POTEI: variants seen among roughly 807,000 people sequenced by gnomAD.
POTEI encodes the protein POTE ankyrin domain family, member I.
In POTEI, 14 loss-of-function variants were observed where a neutral mutation model predicts 43.4. That is an observed-to-expected ratio of 0.32 (90% CI 0.21 to 0.50). The LOEUF (loss-of-function observed/expected upper bound fraction) is 0.50. Among genes scored for constraint, POTEI ranks in the 20% least tolerant of loss-of-function variants. The pLI, the probability that POTEI is intolerant of heterozygous loss-of-function variation, is 0.98. For synonymous variants in POTEI, 95 were observed against 297.9 expected, an observed-to-expected ratio of 0.32 and a Z score of 7.01; for missense variants, 235 against 795.4, an observed-to-expected ratio of 0.30 and a Z score of 8.47.
chr2:130,486,925 C>T (rs1683593425), intron 9 of POTEI, among the ~76,000 whole-genome samples: 1 of 118,210 alleles, frequency 8.5e-6, no homozygotes, highest in Non-Finnish European at 1.8e-5. Flanking sequence ...AAATACAGAT[C>T]CCCATGTACA....
At position 130,479,160 on chromosome 2, in the gene POTEI, T is replaced by C. The variant is rs999893916; in HGVS notation, c.1481-2459A>G. 6.3e-4 allele frequency among the ~76,000 whole-genome samples: 90 copies of C among 142,716 alleles called. 1 individual carries two copies. The South Asian group carries it at 0.017, about 27-fold the overall frequency. The allele number at this position is 142,716 out of a possible 152,430, so 93.6% of individuals were successfully genotyped here. On this transcript the variant is annotated intron_variant, in intron 10 of 14. Coordinates refer to ENST00000451531, the MANE Select transcript of POTEI (RefSeq NM_001277406.2). ...AATTATCACTAAATCATATTGACTA[T>C]ACCTCTCTTCTGCCTCTGTTTTATA...
rs1204814405 is a variant in POTEI, at chr2:130,495,441, T to A, written c.1126+1111A>T. Among the ~76,000 whole-genome samples, 82 of 44,132 alleles carry A rather than the reference T, an allele frequency of 1.9e-3. 12 individuals are homozygous for A. The highest frequency in any genetic ancestry group is 4.4e-3 in the African/African-American group (82 of 18,798). The allele number at this position is 44,132 out of a possible 152,430, so 29.0% of individuals were successfully genotyped here. A position where few individuals can be genotyped will look rare whatever the true frequency, so the allele number is the denominator to read the frequency against. The stretch of plus-strand genomic sequence containing the variant: ...AAATAGCAATGTTTTCTTTGTAAAT[T>A]CTGTTGAAAAAGCACAGAAATGAAA... On this transcript the variant is annotated intron_variant, in intron 6 of 14. Coordinates refer to ENST00000451531, the MANE Select transcript of POTEI (RefSeq NM_001277406.2).
chr2:130,495,386 G>T lies in POTEI; in HGVS notation c.1126+1166C>A, dbSNP rs529708033. Among the ~76,000 whole-genome samples the T allele has an allele frequency of 4.0e-3, 183 of 46,140 alleles. 73 individuals carry two copies. Among genetic ancestry groups the T allele is most frequent in the African/African-American group, 8.0e-3 (165 of 20,498 alleles). 30.3% of individuals were successfully genotyped at this position (46,140 alleles called of 152,430 possible). A position where few individuals can be genotyped will look rare whatever the true frequency, so the allele number is the denominator to read the frequency against. On this transcript the variant is annotated intron_variant, in intron 6 of 14. Coordinates refer to ENST00000451531, the MANE Select transcript of POTEI (RefSeq NM_001277406.2). The stretch of plus-strand genomic sequence containing the variant: ...GTTACCATCTAAAAGACATTTGATA[G>T]TTATATGTTAAGTGGACAAGTGAAA...
intron 11 of POTEI, among the ~76,000 whole-genome samples, chr2:130,475,154 C>T (rs1683151156): frequency 8.3e-6 from 1 of 120,916 alleles, no homozygotes; most frequent in African/African-American, 3.5e-5. Context: ...TTAGCTACTG[C>T]CACATCACTG....
chr2:130,496,801 C>A lies in POTEI; in HGVS notation c.1056-179G>T, dbSNP rs2918634. Among the ~76,000 whole-genome samples, 22 of 130,796 alleles carry A rather than the reference C, an allele frequency of 1.7e-4. 1 individual carries two copies. The highest frequency in any genetic ancestry group is 7.5e-4 in the East Asian group (3 of 3,984). The allele number at this position is 130,796 out of a possible 152,430, so 85.8% of individuals were successfully genotyped here. On this transcript the variant is annotated intron_variant, in intron 5 of 14. Transcript: ENST00000451531. The stretch of plus-strand genomic sequence containing the variant: ...TTCTCTTTAAGCTTCTAATTAAAGA[C>A]GAAAAAAATGTAAGGTGAAATACTC...
intron 6 of POTEI, among the ~76,000 whole-genome samples, chr2:130,492,872 G>C (rs1426888638): frequency 1.3e-5 from 2 of 150,936 alleles, no homozygotes; most frequent in African/African-American, 4.9e-5. Context: ...ACCACATTGC[G>C]TTTGAGTCAG....
At chr2:130,480,360 C>T (rs1260339414) in intron 10 of POTEI, among the ~76,000 whole-genome samples, 5 of 146,118 alleles carry the variant, frequency 3.4e-5, no homozygotes, top group African/African-American at 1.0e-4. Flanking sequence ...AAGTATTCAC[C>T]TCACTCCCAA....
At chr2:130,477,751 G>A (rs1007648886) in intron 10 of POTEI, among the ~76,000 whole-genome samples, 1 of 140,836 alleles carries the variant, frequency 7.1e-6, no homozygotes, top group Non-Finnish European at 1.5e-5. Context: ...GCCTGTCAGA[G>A]ATGGCTTTTC....
chr2:130,504,874 G>T (rs963399146), intron 1 of POTEI, among the ~76,000 whole-genome samples: 4 of 144,008 alleles, frequency 2.8e-5, no homozygotes, highest in Admixed American at 6.9e-5. Context: ...AAATTTTCTT[G>T]TTTTAAAATG....
intron 8 of POTEI, among the ~76,000 whole-genome samples, chr2:130,488,648 C>T (rs1817098): frequency 4.4e-4 from 56 of 126,910 alleles, no homozygotes; most frequent in East Asian, 2.8e-3. Flanking sequence ...GCTTCAGGAA[C>T]AGAAAGGAAG....
rs1462661709 is a variant in POTEI, at chr2:130,461,126, G to A, written c.*1690C>T. On this transcript the variant is annotated 3_prime_UTR_variant, in exon 15 of 15. Transcript: ENST00000451531. ...ACACACCTATAAGATGTGGCTGGAGGCAAGTTGAGAAGTCTTACCTAGTCA... is the reference window on the plus strand; with the variant it reads ...ACACACCTATAAGATGTGGCTGGAGACAAGTTGAGAAGTCTTACCTAGTCA... The A allele has an allele frequency of 1.3e-5, 2 of 151,650 alleles. No homozygotes were observed. 9.4% of individuals were successfully genotyped at this position (151,650 alleles called of 1,614,324 possible). A position where few individuals can be genotyped will look rare whatever the true frequency, so the allele number is the denominator to read the frequency against.
intron 13 of POTEI, among the ~76,000 whole-genome samples, chr2:130,467,936 T>G (rs1682893586): frequency 7.2e-6 from 1 of 138,828 alleles, no homozygotes; most frequent in Non-Finnish European, 1.6e-5. Context: ...GCAGCCAGAA[T>G]GGCCACTATT....
At chr2:130,470,443 T>C (rs2672133) in intron 13 of POTEI, among the ~76,000 whole-genome samples, 2,771 of 4,726 alleles carry the variant, frequency 0.59, 1,091 homozygotes, top group South Asian at 1. Context: ...TTCTTTAATA[T>C]AAAGAAACTT....
chr2:130,479,246 C>A (rs980885758), intron 10 of POTEI, among the ~76,000 whole-genome samples: 3 of 150,612 alleles, frequency 2.0e-5, no homozygotes, highest in African/African-American at 7.4e-5. Flanking sequence ...AAGAAAACTG[C>A]CAACTATTAA....
Position 130,461,513 on chromosome 2 carries a change from C to T in POTEI, c.*1303G>A, listed in dbSNP as rs1218777994. Reference sequence around the variant, plus strand: ...GCTGTGCTGAGGTACCTCTTCCACCCCTTGTCAGCTTGGGCTCTCCAAAGC... The same window carrying T: ...GCTGTGCTGAGGTACCTCTTCCACCTCTTGTCAGCTTGGGCTCTCCAAAGC... On this transcript the variant is annotated 3_prime_UTR_variant, in exon 15 of 15. Transcript: ENST00000451531. 6.6e-6 allele frequency: 1 copy of T among 152,384 alleles called. No homozygotes were observed. Among genetic ancestry groups the T allele is most frequent in the African/African-American group, 2.4e-5 (1 of 41,560 alleles). The allele number at this position is 152,384 out of a possible 1,614,324, so 9.4% of individuals were successfully genotyped here.
rs542594571 is a variant in POTEI, at chr2:130,483,876, C to G, written c.1410-1803G>C. On this transcript the variant is annotated intron_variant, in intron 9 of 14. Coordinates refer to ENST00000451531, the MANE Select transcript of POTEI (RefSeq NM_001277406.2). ...GATTACAGGTGTGAGCCACCATGCC[C>G]GACCTACGGCAAACATTTTTAAAGT... 2.7e-5 allele frequency among the ~76,000 whole-genome samples: 4 copies of G among 150,754 alleles called. No homozygotes were observed. In the East Asian group the frequency reaches 6.0e-4, roughly 22 times the overall value.
intron 5 of POTEI, 43 bp from the exon 6 acceptor site, chr2:130,496,665 T>G: frequency 6.7e-7 from 1 of 1,498,922 alleles, no homozygotes; most frequent in Non-Finnish European, 9.0e-7. Context: ...ATTTTAATAC[T>G]GATATAAAAA....
In POTEI at chr2:130,460,252, T is replaced by C. The variant is rs1009044054; in HGVS notation, c.*2564A>G. 1.1e-4 allele frequency: 16 copies of C among 151,576 alleles called. No individual in the cohort carries two copies. The highest frequency in any genetic ancestry group is 2.2e-4 in the African/African-American group (9 of 41,118). The allele number at this position is 151,576 out of a possible 1,614,324, so 9.4% of individuals were successfully genotyped here. A position where few individuals can be genotyped will look rare whatever the true frequency, so the allele number is the denominator to read the frequency against. On this transcript the variant is annotated 3_prime_UTR_variant, in exon 15 of 15. Transcript: ENST00000451531. ...GACCAGCCCCATCTCAAGTGCAAGA[T>C]TGCCCAGCCTCCAGAGATCAGGTCT...
chr2:130,493,269 AC>A (rs1246871851), intron 6 of POTEI, among the ~76,000 whole-genome samples: 1 of 80,516 alleles, frequency 1.2e-5, no homozygotes, highest in African/African-American at 3.7e-5. Flanking sequence ...CCTAAAAGGA[AC>A]AACTCCGATA....
Sources: allele counts gnomAD v4.1 joint callset (sites outside exome capture counted in the v4.1 genomes callset), GRCh38; gene constraint gnomAD v4.1.1; transcripts MANE v1.5; gene names NCBI Gene and HGNC (gene_info 2026-07-23, HGNC 2026-07-21).